ADAMTS6: variants seen among roughly 807,000 people sequenced by gnomAD.
The protein encoded by ADAMTS6 is ADAM metallopeptidase with thrombospondin type 1 motif 6.
Under a neutral mutation model 144.3 loss-of-function variants are expected in ADAMTS6, and 23 were observed. The ratio of observed to expected loss-of-function variants is 0.16; its 90% confidence interval spans 0.11 to 0.23. ADAMTS6 has a LOEUF of 0.23. Ranked by LOEUF, ADAMTS6 falls within the 10% of genes least tolerant of loss-of-function variation. The pLI, the probability that ADAMTS6 is intolerant of heterozygous loss-of-function variation, is 1.00. For missense variants in ADAMTS6, 999 were observed against 1,379.6 expected, an observed-to-expected ratio of 0.72 and a Z score of 4.37; for synonymous variants, 444 against 457.5, an observed-to-expected ratio of 0.97 and a Z score of 0.38.
At chr5:65,378,358 A>G (rs1295916036) in intron 7 of ADAMTS6, among the ~76,000 whole-genome samples, 1 of 152,074 alleles carries the variant, frequency 6.6e-6, no homozygotes, top group African/African-American at 2.4e-5. Context: ...TCAACCATCA[A>G]TGCCTATCAG....
At chr5:65,363,064 T>C (rs1749972342) in intron 7 of ADAMTS6, among the ~76,000 whole-genome samples, 1 of 152,184 alleles carries the variant, frequency 6.6e-6, no homozygotes. Flanking sequence ...CAGAAGCCTG[T>C]CACGGTTTCA....
At chr5:65,246,095 T>C (rs911561160) in intron 14 of ADAMTS6, among the ~76,000 whole-genome samples, 5 of 152,170 alleles carry the variant, frequency 3.3e-5, no homozygotes, top group African/African-American at 1.2e-4. Context: ...GGTCATACAA[T>C]CTATATAAAC....
chr5:65,476,431 C>T (rs1008787853), intron 1 of ADAMTS6, among the ~76,000 whole-genome samples: 3 of 152,130 alleles, frequency 2.0e-5, no homozygotes, highest in African/African-American at 4.8e-5. Flanking sequence ...AATACAGCCA[C>T]CAATTCACAA....
intron 9 of ADAMTS6, among the ~76,000 whole-genome samples, chr5:65,314,370 GA>G (rs1268665834): frequency 1.3e-5 from 2 of 151,848 alleles, no homozygotes; most frequent in African/African-American, 4.8e-5. Flanking sequence ...CCACACCCCA[GA>G]ATACACCATC....
intron 7 of ADAMTS6, among the ~76,000 whole-genome samples, chr5:65,340,699 T>C (rs1277949416): frequency 6.6e-6 from 1 of 150,896 alleles, no homozygotes; most frequent in Non-Finnish European, 1.5e-5. Context: ...AAGGACCCAA[T>C]ATAAATTGTC....
chr5:65,315,300 T>C (rs1437140567), intron 9 of ADAMTS6, among the ~76,000 whole-genome samples: 2 of 151,892 alleles, frequency 1.3e-5, no homozygotes, highest in Non-Finnish European at 1.5e-5. Context: ...ATATTTTGTA[T>C]ATAAAATTAT....
chr5:65,471,630 C>T (rs1375911241), intron 2 of ADAMTS6, among the ~76,000 whole-genome samples: 5 of 152,146 alleles, frequency 3.3e-5, no homozygotes, highest in African/African-American at 4.8e-5. Context: ...TTGCGGCACA[C>T]GCCTGTAGTC....
At chr5:65,287,368 C>T (rs927967420) in intron 11 of ADAMTS6, among the ~76,000 whole-genome samples, 1 of 152,170 alleles carries the variant, frequency 6.6e-6, no homozygotes, top group Non-Finnish European at 1.5e-5. Context: ...AAACAAAATA[C>T]ATCTGCTACC....
intron 8 of ADAMTS6, 40 bp downstream of exon 8, chr5:65,333,997 TAAAAA>T (rs750637450): frequency 1.4e-3 from 1,135 of 840,660 alleles, no homozygotes; most frequent in East Asian, 3.8e-3. Context: ...CTACCTTTAT[TAAAAA>T]AAAAAAAAAA....
chr5:65,222,613 G>A lies in ADAMTS6; in HGVS notation c.2272+1707C>T, dbSNP rs73761673. Among the ~76,000 whole-genome samples, 1,338 of 152,126 alleles carry A rather than the reference G, an allele frequency of 8.8e-3. 18 individuals carry two copies. The highest frequency in any genetic ancestry group is 0.03 in the African/African-American group (1,255 of 41,520). On this transcript the variant is annotated intron_variant, in intron 18 of 24. Coordinates refer to ENST00000381055, the MANE Select transcript of ADAMTS6 (RefSeq NM_197941.4). ...ATAAATAATTGTTCTTCCCCAAATAGATTTGCCTGGTTGTCTCTCCCCCTC... is the reference window on the plus strand; with the variant it reads ...ATAAATAATTGTTCTTCCCCAAATAAATTTGCCTGGTTGTCTCTCCCCCTC...
At chr5:65,367,819 T>C (rs1369644932) in intron 7 of ADAMTS6, among the ~76,000 whole-genome samples, 3 of 152,052 alleles carry the variant, frequency 2.0e-5, no homozygotes, top group Non-Finnish European at 4.4e-5. Context: ...CTGGCAACTG[T>C]TGTATATAAA....
chr5:65,362,963 C>T (rs778939796), intron 7 of ADAMTS6, among the ~76,000 whole-genome samples: 1 of 152,098 alleles, frequency 6.6e-6, no homozygotes, highest in Non-Finnish European at 1.5e-5. Flanking sequence ...CCAGTTTATC[C>T]AAAATCCAAA....
At chr5:65,371,931 A>G (rs1750965684) in intron 7 of ADAMTS6, among the ~76,000 whole-genome samples, 1 of 152,178 alleles carries the variant, frequency 6.6e-6, no homozygotes, top group Admixed American at 6.5e-5. Flanking sequence ...CTCTCGGCAG[A>G]AACTCTACAA....
chr5:65,413,464 C>A (rs1229122166), intron 7 of ADAMTS6, among the ~76,000 whole-genome samples: 1 of 152,006 alleles, frequency 6.6e-6, no homozygotes, highest in Non-Finnish European at 1.5e-5. Flanking sequence ...TTGTAAACAT[C>A]TAATTGTAAA....
intron 1 of ADAMTS6, among the ~76,000 whole-genome samples, chr5:65,479,931 C>T (rs967792935): frequency 1.3e-5 from 2 of 152,180 alleles, no homozygotes; most frequent in African/African-American, 4.8e-5. Flanking sequence ...ACGTATTTGC[C>T]TCTAAATGCT....
chr5:65,192,887 C>G (rs1479644878), intron 21 of ADAMTS6, among the ~76,000 whole-genome samples: 3 of 151,890 alleles, frequency 2.0e-5, no homozygotes, highest in African/African-American at 4.8e-5. Context: ...CCGTCATTTT[C>G]TCTATAAGGA....
chr5:65,190,544 T>C lies in ADAMTS6; in HGVS notation c.2706-2324A>G, dbSNP rs141316015. On this transcript the variant is annotated intron_variant, in intron 21 of 24. Coordinates refer to ENST00000381055, the MANE Select transcript of ADAMTS6 (RefSeq NM_197941.4). Reference sequence around the variant, plus strand: ...CAACCTCCAGCCATGATCTCATTAGTTCTCATAATGTAAGAGGGATGGAGG... The same window carrying C: ...CAACCTCCAGCCATGATCTCATTAGCTCTCATAATGTAAGAGGGATGGAGG... Among the ~76,000 whole-genome samples the C allele has an allele frequency of 7.0e-4, 107 of 152,246 alleles. 1 individual carries two copies. The highest frequency in any genetic ancestry group is 2.4e-3 in the African/African-American group (98 of 41,542).
intron 1 of ADAMTS6, among the ~76,000 whole-genome samples, chr5:65,477,316 CACATTTGAGTTAATTTTCT>C: frequency 6.6e-6 from 1 of 152,226 alleles, no homozygotes; most frequent in Non-Finnish European, 1.5e-5. Context: ...ATATACTTAA[CACATTTGAGTTAATTTTCT>C]AGCAATGGAG....
chr5:65,178,011 C>T (rs981117636), intron 22 of ADAMTS6, among the ~76,000 whole-genome samples: 1 of 152,206 alleles, frequency 6.6e-6, no homozygotes. Flanking sequence ...AAGTTCACTT[C>T]GTGTCTCTCA....
Sources: gnomAD v4.1 joint callset for allele counts (sites outside exome capture counted in the v4.1 genomes callset) on GRCh38, gnomAD v4.1.1 for gene constraint, MANE v1.5 for transcripts, NCBI Gene and HGNC (gene_info 2026-07-23, HGNC 2026-07-21) for gene names.